NCKAP5: variants seen among roughly 807,000 people sequenced by gnomAD.
The protein encoded by NCKAP5 is NCK associated protein 5.
A neutral mutation model predicts 167.0 loss-of-function variants in NCKAP5; 92 were observed. The ratio of observed to expected loss-of-function variants is 0.55; its 90% CI spans 0.47 to 0.66. The LOEUF is 0.66. Among genes scored for constraint, NCKAP5 ranks in the 30% least tolerant of loss-of-function variants. The probability of loss-of-function intolerance (pLI) is 0.00; values close to 1 mark genes in which losing one functional copy is unlikely to be tolerated. For synonymous variants in NCKAP5, 891 were observed against 877.4 expected (o/e 1.02, Z -0.27); for missense variants, 2,378 against 2,315.0 (o/e 1.03, Z -0.56).
intron 5 of NCKAP5, among the ~76,000 whole-genome samples, chr2:133,210,407 T>A (rs1171707452): frequency 6.6e-6 from 1 of 152,074 alleles, no homozygotes; most frequent in Admixed American, 6.6e-5. Flanking sequence ...CTGTAAAGAC[T>A]GCTTACATAA....
chr2:132,975,054 A>G (rs567980663), intron 7 of NCKAP5, among the ~76,000 whole-genome samples: 7 of 152,352 alleles, frequency 4.6e-5, no homozygotes, highest in East Asian at 1.9e-4. Context: ...AGCAAATACC[A>G]TAACAACATT....
chr2:132,865,746 G>A (rs955773984), intron 10 of NCKAP5, among the ~76,000 whole-genome samples: 9 of 152,178 alleles, frequency 5.9e-5, no homozygotes, highest in Non-Finnish European at 1.0e-4. Flanking sequence ...GGGTCAGAGC[G>A]TGGGGTTTAC....
At chr2:133,393,343 C>T (rs867696526) in intron 3 of NCKAP5, among the ~76,000 whole-genome samples, 1 of 152,290 alleles carries the variant, frequency 6.6e-6, no homozygotes, top group African/African-American at 2.4e-5. Flanking sequence ...CCCATGAAAG[C>T]TTTACAGTTA....
At chr2:132,818,640 A>T (rs1374930267) in intron 11 of NCKAP5, among the ~76,000 whole-genome samples, 1 of 152,212 alleles carries the variant, frequency 6.6e-6, no homozygotes, top group African/African-American at 2.4e-5. Context: ...GTGAGCCGAG[A>T]TTGTGCCACT....
At chr2:132,853,850 C>T (rs1053286413) in intron 11 of NCKAP5, among the ~76,000 whole-genome samples, 3 of 152,242 alleles carry the variant, frequency 2.0e-5, no homozygotes, top group Non-Finnish European at 4.4e-5. Context: ...GATAATTTCC[C>T]CTAATTATCC....
At chr2:133,547,244 C>T (rs932519715) in intron 2 of NCKAP5, among the ~76,000 whole-genome samples, 2 of 152,144 alleles carry the variant, frequency 1.3e-5, no homozygotes, top group African/African-American at 4.8e-5. Context: ...CGGAGTCTCG[C>T]TGACTGCTAG....
intron 16 of NCKAP5, among the ~76,000 whole-genome samples, chr2:132,739,666 T>A (rs542922886): frequency 1.3e-5 from 2 of 152,156 alleles, no homozygotes; most frequent in Non-Finnish European, 2.9e-5. Context: ...GCAGGTAGTG[T>A]TACACTGCAG....
chr2:133,587,911 G>T, the NCKAP5 span, among the ~76,000 whole-genome samples: 1 of 152,124 alleles, frequency 6.6e-6, no homozygotes, highest in Non-Finnish European at 1.5e-5. Flanking sequence ...AGACTTTCCA[G>T]TTTCTCTAGT....
intron 6 of NCKAP5, among the ~76,000 whole-genome samples, chr2:133,106,422 T>C (rs927265037): frequency 3.3e-5 from 5 of 152,090 alleles, no homozygotes; most frequent in Non-Finnish European, 5.9e-5. Flanking sequence ...CTACACCCTT[T>C]AGTAGGCAAC....
At position 132,875,563 on chromosome 2, in the gene NCKAP5, C is replaced by T. The variant is rs554574473; in HGVS notation, c.648+3285G>A. 9.8e-5 allele frequency among the ~76,000 whole-genome samples: 15 copies of T among 152,308 alleles called. No homozygotes were observed. The Middle Eastern group carries it at 0.014, about 138-fold the overall frequency. ...TCCAGTAAAGGTTTGCAGGATACAA[C>T]GGAATCCATTGAAGTGCCATGCAGT... On this transcript the variant is annotated intron_variant, in intron 9 of 19. Coordinates refer to ENST00000409261, the MANE Select transcript of NCKAP5 (RefSeq NM_207363.3).
intron 3 of NCKAP5, among the ~76,000 whole-genome samples, chr2:133,360,968 G>T (rs1046378702): frequency 9.9e-5 from 15 of 151,414 alleles, no homozygotes; most frequent in African/African-American, 3.6e-4. Context: ...TAGCATATAG[G>T]GAAGACTCAC....
At chr2:133,196,933 G>A (rs909425459) in intron 5 of NCKAP5, among the ~76,000 whole-genome samples, 43 of 152,218 alleles carry the variant, frequency 2.8e-4, no homozygotes, top group African/African-American at 1.0e-3. Context: ...AGCTCTGAAG[G>A]AGGGGGACCT....
chr2:133,338,080 G>C (rs1683331621), intron 3 of NCKAP5, among the ~76,000 whole-genome samples: 1 of 151,604 alleles, frequency 6.6e-6, no homozygotes. Context: ...TATTTAAAGA[G>C]CATGATTGAA....
At chr2:132,786,525 A>T (rs1202292772) in intron 13 of NCKAP5, among the ~76,000 whole-genome samples, 1 of 152,230 alleles carries the variant, frequency 6.6e-6, no homozygotes, top group Non-Finnish European at 1.5e-5. Flanking sequence ...TAGAAAGGTC[A>T]ATTTCCTGCC....
chr2:132,825,893 G>C (rs1041308284), intron 11 of NCKAP5, among the ~76,000 whole-genome samples: 8 of 152,194 alleles, frequency 5.3e-5, no homozygotes, highest in Non-Finnish European at 1.2e-4. Context: ...ATGCAGCAAA[G>C]AGAACATTAA....
At chr2:133,508,421 G>T (rs1683209058) in intron 3 of NCKAP5, among the ~76,000 whole-genome samples, 1 of 152,124 alleles carries the variant, frequency 6.6e-6, no homozygotes, top group African/African-American at 2.4e-5. Flanking sequence ...ATACCTCCTG[G>T]TATTCTGAAT....
chr2:133,351,227 GA>G (rs367559407), intron 3 of NCKAP5, among the ~76,000 whole-genome samples: 5,473 of 147,238 alleles, frequency 0.037, 112 homozygotes, highest in South Asian at 0.06. Context: ...CAGGAAAAAG[GA>G]AAAAAAAAAT....
chr2:133,105,685 T>C (rs1339842986), intron 6 of NCKAP5, among the ~76,000 whole-genome samples: 1 of 152,218 alleles, frequency 6.6e-6, no homozygotes, highest in Non-Finnish European at 1.5e-5. Context: ...GAGGACCAGC[T>C]GGTTTCAATG....
intron 3 of NCKAP5, among the ~76,000 whole-genome samples, chr2:133,416,496 GCT>G (rs1689116550): frequency 6.6e-6 from 1 of 152,120 alleles, no homozygotes; most frequent in African/African-American, 2.4e-5. Context: ...GTTTCTCTGT[GCT>G]CTTTGTAAAA....
Sources: gnomAD v4.1 joint callset for allele counts (sites outside exome capture counted in the v4.1 genomes callset) on GRCh38, gnomAD v4.1.1 for gene constraint, MANE v1.5 for transcripts, NCBI Gene and HGNC (gene_info 2026-07-23, HGNC 2026-07-21) for gene names.